The following LAMA4 variants were observed in gnomAD, a reference collection of about 807,000 sequenced individuals.
LAMA4 encodes the protein laminin subunit alpha-4.
Under a neutral mutation model 207.1 loss-of-function variants are expected in LAMA4, and 127 were observed. That is an observed-to-expected ratio of 0.61 (90% confidence interval 0.53 to 0.71). The LOEUF (loss-of-function observed/expected upper bound fraction) is 0.71, where lower values mean the gene tolerates loss of function less well. Ranked by LOEUF, LAMA4 falls within the 30% of genes least tolerant of loss-of-function variation. The probability of loss-of-function intolerance (pLI) is 0.00; values close to 1 mark genes in which losing one functional copy is unlikely to be tolerated. For synonymous variants in LAMA4, 761 were observed against 816.0 expected (o/e 0.93, Z 1.15); for missense variants, 2,093 against 2,246.5 (o/e 0.93, Z 1.38).
At chr6:112,194,108 C>T (rs1355328070) in intron 5 of LAMA4, among the ~76,000 whole-genome samples, 5 of 152,168 alleles carry the variant, frequency 3.3e-5, no homozygotes, top group African/African-American at 1.2e-4. Context: ...ATTTATAGGC[C>T]TGCAGGTCCC....
At chr6:112,132,239 G>T (rs1779077883) in intron 28 of LAMA4, among the ~76,000 whole-genome samples, 1 of 152,090 alleles carries the variant, frequency 6.6e-6, no homozygotes, top group African/African-American at 2.4e-5. Flanking sequence ...AAAATAATCT[G>T]TGATATTATT....
At chr6:112,124,515 A>G (rs1778562943) in intron 31 of LAMA4, among the ~76,000 whole-genome samples, 1 of 152,226 alleles carries the variant, frequency 6.6e-6, no homozygotes, top group Admixed American at 6.5e-5. Flanking sequence ...ATTACTTTAT[A>G]CCATACAACA....
Position 112,240,264 on chromosome 6 carries a change from T to C in LAMA4, c.195+13692A>G, listed in dbSNP as rs536647141. Among the ~76,000 whole-genome samples the C allele has an allele frequency of 1.2e-4, 19 of 152,286 alleles. 1 individual carries two copies. In the South Asian group the frequency reaches 3.7e-3, roughly 30 times the overall value. ...TTATTTTTAATCTTTGTATTTTTTT[T>C]AAAATTGTTGTGGGTAAATAGTAGG... On this transcript the variant is annotated intron_variant, in intron 2 of 38. Transcript: ENST00000230538.
chr6:112,216,271 C>T, intron 3 of LAMA4, 97 bp downstream of exon 3: 2 of 825,594 alleles, frequency 2.4e-6, no homozygotes, highest in Non-Finnish European at 4.2e-6. Flanking sequence ...TAGCAGTTTG[C>T]TCCTATGTGG....
Position 112,165,287 on chromosome 6 carries a change from G to A in LAMA4, c.1552-11C>T, listed in dbSNP as rs1554339636. ...TCTTTCCTGTTGTTTCTGCGGGAAG[G>A]AAGAGTAAGGGAGAGTGAAGTGAAT... On this transcript the variant is annotated splice_polypyrimidine_tract_variant and intron_variant, in intron 12 of 38. Coordinates refer to ENST00000230538, the MANE Select transcript of LAMA4 (RefSeq NM_001105206.3). 2 of 1,531,102 alleles carry A rather than the reference G, an allele frequency of 1.3e-6. No individual in the cohort carries two copies. Among genetic ancestry groups the A allele is most frequent in the Non-Finnish European group, 1.8e-6 (2 of 1,104,340 alleles). 94.8% of individuals were successfully genotyped at this position (1,531,102 alleles called of 1,614,324 possible). A position where few individuals can be genotyped will look rare whatever the true frequency, so the allele number is the denominator to read the frequency against.
intron 7 of LAMA4, 53 bp from the exon 8 acceptor site, chr6:112,187,654 G>A: frequency 1.3e-6 from 2 of 1,569,470 alleles, no homozygotes; most frequent in East Asian, 4.5e-5. Context: ...GCTAAAGGCA[G>A]GCCGTTTTAG....
chr6:112,235,547 T>C, intron 2 of LAMA4, among the ~76,000 whole-genome samples: 1 of 152,178 alleles, frequency 6.6e-6, no homozygotes, highest in African/African-American at 2.4e-5. Context: ...GATAGGGAAG[T>C]TTCTTAAGGT....
chr6:112,253,485 C>G (rs1207338180), intron 2 of LAMA4: 1 of 404,676 alleles, frequency 2.5e-6, no homozygotes, highest in East Asian at 5.7e-5. Flanking sequence ...CACTCACCCC[C>G]TCACCTTCCC....
At chr6:112,220,354 G>T (rs1554360211) in intron 2 of LAMA4, among the ~76,000 whole-genome samples, 1 of 151,990 alleles carries the variant, frequency 6.6e-6, no homozygotes, top group Non-Finnish European at 1.5e-5. Flanking sequence ...ATTCCCATTT[G>T]CTTACTTTGT....
At chr6:112,130,106 T>G (rs1778940520) in intron 29 of LAMA4, 66 bp from the exon 30 acceptor site, 2 of 1,370,314 alleles carry the variant, frequency 1.5e-6, no homozygotes, top group South Asian at 1.2e-5. Flanking sequence ...CACTCTAGGT[T>G]GGATAAGCAG....
Position 112,140,805 on chromosome 6 carries a change from A to AG in LAMA4, c.2930dup (p.Glu978Ter). The AG allele has an allele frequency of 1.2e-6, 2 of 1,614,112 alleles. No individual in the cohort carries two copies. The highest frequency in any genetic ancestry group is 1.7e-6 in the Non-Finnish European group (2 of 1,179,978). ...CACCAACATAAAACACTGTGTCCTC[A>AG]GGGTCCAGGTCCAGCAGAGAGTCAT... On this transcript the variant is annotated frameshift_variant, in exon 22 of 39. Coordinates refer to ENST00000230538, the MANE Select transcript of LAMA4 (RefSeq NM_001105206.3). LOFTEE classifies it high-confidence loss of function.
chr6:112,244,208 AAAACCAAGATGGTAAT>A (rs1398368709), intron 2 of LAMA4, among the ~76,000 whole-genome samples: 4 of 152,260 alleles, frequency 2.6e-5, no homozygotes, highest in Non-Finnish European at 5.9e-5. Context: ...AAACCACGCC[AAAACCAAGATGGTAAT>A]AAAAGCCACC....
At position 112,228,739 on chromosome 6, in the gene LAMA4, G is replaced by A. The variant is rs144576434; in HGVS notation, c.196-12270C>T. Among the ~76,000 whole-genome samples the A allele has an allele frequency of 5.9e-3, 904 of 152,326 alleles. 14 individuals carry two copies. Among genetic ancestry groups the A allele is most frequent in the African/African-American group, 0.021 (860 of 41,558 alleles). ...CTTCTGCCTGAACAGCCGTGCTGAGGCAGAGAGGAAGTGGAGCAGAATGGC... is the reference window on the plus strand; with the variant it reads ...CTTCTGCCTGAACAGCCGTGCTGAGACAGAGAGGAAGTGGAGCAGAATGGC... On this transcript the variant is annotated intron_variant, in intron 2 of 38. Coordinates refer to ENST00000230538, the MANE Select transcript of LAMA4 (RefSeq NM_001105206.3).
At chr6:112,239,468 AGAG>A (rs1163125485) in intron 2 of LAMA4, among the ~76,000 whole-genome samples, 1 of 152,164 alleles carries the variant, frequency 6.6e-6, no homozygotes, top group Non-Finnish European at 1.5e-5. Context: ...ACATGAGGCT[AGAG>A]GAGGAGGAGA....
At chr6:112,236,471 A>G (rs1785931210) in intron 2 of LAMA4, 1 of 152,200 alleles carries the variant, frequency 6.6e-6, no homozygotes, top group South Asian at 2.1e-4. Flanking sequence ...ACTATTTTCT[A>G]CCTGAGTCAG....
intron 3 of LAMA4, among the ~76,000 whole-genome samples, chr6:112,214,970 T>C (rs1784548014): frequency 6.6e-6 from 1 of 152,232 alleles, no homozygotes; most frequent in African/African-American, 2.4e-5. Context: ...ATTGACTGCC[T>C]AACAGCAGCT....
intron 13 of LAMA4, among the ~76,000 whole-genome samples, chr6:112,163,711 A>C (rs540441479): frequency 1.8e-4 from 28 of 152,360 alleles, no homozygotes; most frequent in African/African-American, 6.5e-4. Flanking sequence ...GAAGCTGAGC[A>C]GAATGGTAGG....
chr6:112,175,552 G>C lies in LAMA4; in HGVS notation c.1190-72C>G, dbSNP rs1177885142. ...AGGCACTAGAAATGCAAGGGAGCAA[G>C]GGCTGTGGGCAAAGGGCAGGGCTGA... On this transcript the variant is annotated intron_variant, in intron 10 of 38. Transcript: ENST00000230538. 2.0e-6 allele frequency: 3 copies of C among 1,479,338 alleles called. No homozygotes were observed. In the South Asian group the frequency reaches 3.4e-5, roughly 17 times the overall value. The allele number at this position is 1,479,338 out of a possible 1,614,324, so 91.6% of individuals were successfully genotyped here.
chr6:112,240,954 A>AT (rs1389612899), intron 2 of LAMA4, among the ~76,000 whole-genome samples: 6 of 149,484 alleles, frequency 4.0e-5, no homozygotes, highest in African/African-American at 4.9e-5. Context: ...TTTATTTTTT[A>AT]TTTTTTTTAG....
Sources: allele counts gnomAD v4.1 joint callset (sites outside exome capture counted in the v4.1 genomes callset), GRCh38; gene constraint gnomAD v4.1.1; transcripts MANE v1.5; gene names NCBI Gene and HGNC (gene_info 2026-07-23, HGNC 2026-07-21).